The following PRDM11 variants were observed in gnomAD, a reference collection of about 807,000 sequenced individuals.
PRDM11 encodes the protein PR domain-containing protein 11.
PRDM11 carries 20 observed loss-of-function variants against 97.8 expected under a neutral mutation model. The observed-to-expected ratio is 0.20, with a 90% CI of 0.14 to 0.30. The LOEUF is 0.30. PRDM11 is among the 10% of genes least tolerant of loss of function. PRDM11 has a pLI of 1.00. For synonymous variants in PRDM11, 599 were observed against 637.7 expected (o/e 0.94, Z 0.91); for missense variants, 1,139 against 1,555.2 (o/e 0.73, Z 4.50).
At chr11:45,122,486 C>T (rs948206744) in intron 1 of PRDM11, among the ~76,000 whole-genome samples, 1 of 132,006 alleles carries the variant, frequency 7.6e-6, no homozygotes, top group Non-Finnish European at 1.6e-5. Context: ...GCTATCCCTC[C>T]CCCCTCCCTC....
chr11:45,139,879 G>A (rs774801239), intron 1 of PRDM11, among the ~76,000 whole-genome samples: 1 of 152,148 alleles, frequency 6.6e-6, no homozygotes, highest in Non-Finnish European at 1.5e-5. Flanking sequence ...TTTAGAAATG[G>A]AGGGATGAGT....
intron 4 of PRDM11, among the ~76,000 whole-genome samples, chr11:45,203,911 G>A (rs555855394): frequency 2.6e-5 from 4 of 152,262 alleles, no homozygotes; most frequent in Admixed American, 2.6e-4. Context: ...TATGAGTCTT[G>A]GAGTTGAAAG....
At chr11:45,174,346 G>T (rs1330329318) in intron 1 of PRDM11, among the ~76,000 whole-genome samples, 1 of 152,178 alleles carries the variant, frequency 6.6e-6, no homozygotes, top group Non-Finnish European at 1.5e-5. Context: ...GATGACGGCC[G>T]CTAACCAGTG....
rs1445430918 is a variant in PRDM11, at chr11:45,224,435, C to T, written c.961C>T (p.His321Tyr). The T allele has an allele frequency of 6.2e-7, 1 of 1,614,086 alleles. No individual in the cohort carries two copies. Among genetic ancestry groups the T allele is most frequent in the Non-Finnish European group, 8.5e-7 (1 of 1,180,048 alleles). The change falls in exon 7 of 8, where the codon CAC becomes TAC. Residue 321 changes from histidine (H) to tyrosine (Y), a missense_variant. Around this residue, in one of 2 missense-constraint regions of PRDM11, gnomAD observed 429 missense variants for 510.3 expected, o/e 0.84. Coordinates refer to ENST00000683152, the MANE Select transcript of PRDM11 (RefSeq NM_001384648.1). ...ASLESAKVEA[H>Y]QLALSTSLVI... ...ACTGGAATCTGCGAAGGTGGAAGCCCACCAGTTGGCCCTGAGCACCTCACT... is the reference window on the plus strand; with the variant it reads ...ACTGGAATCTGCGAAGGTGGAAGCCTACCAGTTGGCCCTGAGCACCTCACT...
intron 1 of PRDM11, among the ~76,000 whole-genome samples, chr11:45,178,767 G>A (rs958977100): frequency 2.6e-5 from 4 of 152,232 alleles, no homozygotes; most frequent in African/African-American, 7.2e-5. Context: ...TCCTGCAAGC[G>A]TATGACCCTC....
Position 45,182,982 on chromosome 11 carries a change from G to A in PRDM11, c.345G>A (p.Gln115=). The change falls in exon 4 of 8, where the codon CAG becomes CAA. Residue 115 remains glutamine (Q), a synonymous_variant. Coordinates refer to ENST00000683152, the MANE Select transcript of PRDM11 (RefSeq NM_001384648.1). The stretch of plus-strand genomic sequence containing the variant: ...ACCGGGCGGCGCTCACCATCCCACA[G>A]GGCATGGAGGTGGTCAAGGACACTA... ...IPDRAALTIP[Q]GMEVVKDTSG... 2 of 1,614,084 alleles carry A rather than the reference G, an allele frequency of 1.2e-6. No individual in the cohort carries two copies. Among genetic ancestry groups the A allele is most frequent in the South Asian group, 1.1e-5 (1 of 91,090 alleles).
intron 1 of PRDM11, among the ~76,000 whole-genome samples, chr11:45,148,803 T>A (rs1210762702): frequency 6.6e-6 from 1 of 152,160 alleles, no homozygotes; most frequent in East Asian, 1.9e-4. Flanking sequence ...TGTTGGCAAG[T>A]ATAAAGTAAA....
chr11:45,152,197 G>T (rs1376800650), intron 1 of PRDM11, among the ~76,000 whole-genome samples: 1 of 152,122 alleles, frequency 6.6e-6, no homozygotes, highest in African/African-American at 2.4e-5. Flanking sequence ...CCCCCGAGTA[G>T]CTGGGACTAC....
At chr11:45,171,783 A>G (rs990727961) in intron 1 of PRDM11, among the ~76,000 whole-genome samples, 11 of 152,216 alleles carry the variant, frequency 7.2e-5, no homozygotes, top group Non-Finnish European at 1.6e-4. Flanking sequence ...GGAAGTGCAG[A>G]GGTAGCGTGG....
rs957794819 is a variant in PRDM11, at chr11:45,229,765, G to A, written c.*1606G>A. ...GTGGATGCAGGTCATTTTGGGGGAG[G>A]GAGGAAGATCTGAATTATATACATG... On this transcript the variant is annotated 3_prime_UTR_variant, in exon 8 of 8. Transcript: ENST00000683152. The A allele has an allele frequency of 3.9e-5, 6 of 152,148 alleles. No homozygotes were observed. Among genetic ancestry groups the A allele is most frequent in the East Asian group, 1.9e-4 (1 of 5,200 alleles). The allele number at this position is 152,148 out of a possible 1,614,324, so 9.4% of individuals were successfully genotyped here. A position where few individuals can be genotyped will look rare whatever the true frequency, so the allele number is the denominator to read the frequency against.
intron 1 of PRDM11, among the ~76,000 whole-genome samples, chr11:45,139,397 T>C (rs1245560335): frequency 6.6e-6 from 1 of 152,024 alleles, no homozygotes; most frequent in African/African-American, 2.4e-5. Context: ...TGAAACCCCA[T>C]CTCTACTAAA....
upstream of PRDM11, among the ~76,000 whole-genome samples, chr11:45,141,787 C>T (rs1391746146): frequency 2.0e-5 from 3 of 152,196 alleles, no homozygotes; most frequent in Admixed American, 6.5e-5. Flanking sequence ...ATGATCCATG[C>T]TTCTATTATC....
intron 1 of PRDM11, among the ~76,000 whole-genome samples, chr11:45,123,723 T>G (rs1474227001): frequency 6.6e-6 from 1 of 150,946 alleles, no homozygotes; most frequent in Non-Finnish European, 1.5e-5. Context: ...TTGGTACCAG[T>G]ACCATGCTGT....
At chr11:45,131,216 C>G (rs1852712349) in intron 1 of PRDM11, among the ~76,000 whole-genome samples, 1 of 152,134 alleles carries the variant, frequency 6.6e-6, no homozygotes, top group African/African-American at 2.4e-5. Context: ...GTGATAGAAT[C>G]TGAGTAATGG....
At position 45,233,264 on chromosome 11, in the gene PRDM11, T is replaced by G. The variant is rs960401236; in HGVS notation, c.*5105T>G. The G allele has an allele frequency of 3.3e-5, 5 of 152,232 alleles. No individual in the cohort carries two copies. Among genetic ancestry groups the G allele is most frequent in the African/African-American group, 1.2e-4 (5 of 41,418 alleles). 9.4% of individuals were successfully genotyped at this position (152,232 alleles called of 1,614,324 possible). A position where few individuals can be genotyped will look rare whatever the true frequency, so the allele number is the denominator to read the frequency against. On this transcript the variant is annotated 3_prime_UTR_variant, in exon 8 of 8. Transcript: ENST00000683152. ...GCCGGGGAAGGCCAGCAGGCAGGGT[T>G]GGCTGGCAAGGGGGCCTCCTACCCG...
rs183902379 is a variant in PRDM11, at chr11:45,127,897, T to G, written c.96+31996T>G. ...TTCAAAGCTGTCAGATAGGGACGTT[T>G]AAGTCTGTAGAGGTTACTGCTGTCT... On this transcript the variant is annotated intron_variant, in intron 1 of 6. Coordinates refer to the PRDM11 transcript ENST00000530656. Among the ~76,000 whole-genome samples, 9 of 152,352 alleles carry G rather than the reference T, an allele frequency of 5.9e-5. 1 individual carries two copies. The highest frequency in any genetic ancestry group is 2.2e-4 in the African/African-American group (9 of 41,592).
intron 1 of PRDM11, among the ~76,000 whole-genome samples, chr11:45,117,892 C>T (rs1035849249): frequency 1.3e-5 from 2 of 152,200 alleles, no homozygotes; most frequent in African/African-American, 4.8e-5. Flanking sequence ...CTGACCAACA[C>T]TAACTCAGCC....
intron 1 of PRDM11, among the ~76,000 whole-genome samples, chr11:45,173,662 C>T (rs967513583): frequency 2.0e-5 from 3 of 151,744 alleles, no homozygotes; most frequent in African/African-American, 2.4e-5. Flanking sequence ...GAGGGACCGC[C>T]TTGGGAGAAT....
At chr11:45,222,345 G>A (rs1201769815) in intron 6 of PRDM11, among the ~76,000 whole-genome samples, 3 of 152,174 alleles carry the variant, frequency 2.0e-5, no homozygotes, top group Admixed American at 2.0e-4. Context: ...CAATGACGAG[G>A]AATCTCTGGT....
Sources: gnomAD v4.1 joint callset for allele counts (sites outside exome capture counted in the v4.1 genomes callset) on GRCh38, gnomAD v4.1.1 for gene constraint, gnomAD v4.1.1 regional missense constraint, MANE v1.5 for transcripts, NCBI Gene and HGNC (gene_info 2026-07-23, HGNC 2026-07-21) for gene names.